CC2D2A: variants seen among roughly 807,000 people sequenced by gnomAD.
CC2D2A encodes the protein coiled-coil and C2 domain-containing protein 2A.
CC2D2A carries 155 observed loss-of-function variants against 212.9 expected under a neutral mutation model. That is an observed-to-expected ratio of 0.73 (90% CI 0.64 to 0.83). The LOEUF is 0.83. Ranked by LOEUF, CC2D2A falls within the 40% of genes least tolerant of loss-of-function variation. CC2D2A has a pLI of 0.00. For missense variants in CC2D2A, 1,856 were observed against 1,956.2 expected (o/e 0.95, Z 0.97); for synonymous variants, 667 against 686.5 (o/e 0.97, Z 0.44).
chr4:15,548,687 C>G (rs1350522385), intron 17 of CC2D2A, among the ~76,000 whole-genome samples: 1 of 152,076 alleles, frequency 6.6e-6, no homozygotes, highest in Admixed American at 6.5e-5. Context: ...AAACCAAGGT[C>G]TCCAGTGCAA....
chr4:15,540,731 A>G, intron 16 of CC2D2A, 106 bp from the exon 17 acceptor site: 1 of 987,314 alleles, frequency 1.0e-6, no homozygotes, highest in Non-Finnish European at 1.5e-6. Flanking sequence ...TGATTGGGAG[A>G]GTTGCCTGCA....
At chr4:15,588,764 A>C (rs1720963432) in intron 32 of CC2D2A, among the ~76,000 whole-genome samples, 1 of 152,164 alleles carries the variant, frequency 6.6e-6, no homozygotes, top group Admixed American at 6.6e-5. Flanking sequence ...GCTGTGTGAC[A>C]CTAAGTAGGT....
intron 3 of CC2D2A, chr4:15,479,147 TG>T: frequency 9.8e-7 from 1 of 1,025,038 alleles, no homozygotes; most frequent in South Asian, 1.4e-5. Context: ...GGGCAGTAGA[TG>T]GCAGTACACG....
At position 15,538,677 on chromosome 4, in the gene CC2D2A, T is replaced by C. The variant is rs192778822; in HGVS notation, c.2003+540T>C. Reference sequence around the variant, plus strand: ...ACCCTCCAGATATGATAAAAATACATGTCTAGTCATTCTCACTTGATGCCT... The same window carrying C: ...ACCCTCCAGATATGATAAAAATACACGTCTAGTCATTCTCACTTGATGCCT... On this transcript the variant is annotated intron_variant, in intron 16 of 36. Transcript: ENST00000424120. Among the ~76,000 whole-genome samples, 456 of 152,350 alleles carry C rather than the reference T, an allele frequency of 3.0e-3. 1 individual carries two copies. Among genetic ancestry groups the C allele is most frequent in the Admixed American group, 4.9e-3 (75 of 15,308 alleles).
chr4:15,566,917 G>C (rs1719906328), intron 24 of CC2D2A, among the ~76,000 whole-genome samples: 1 of 152,112 alleles, frequency 6.6e-6, no homozygotes, highest in Non-Finnish European at 1.5e-5. Context: ...TGAGGCTGGA[G>C]TGAGCCATAA....
chr4:15,502,810 T>A lies in CC2D2A; in HGVS notation c.337-12T>A, dbSNP rs1467565504. 1 of 1,601,262 alleles carries A rather than the reference T, an allele frequency of 6.2e-7. No homozygotes were observed. The highest frequency in any genetic ancestry group is 2.2e-5 in the East Asian group (1 of 44,564). On this transcript the variant is annotated splice_polypyrimidine_tract_variant and intron_variant, in intron 5 of 36. Transcript: ENST00000424120. ...ACATCATGTAGCAGTAAATTTCTGTTTGACTTTTTAGTCCAAAGCAGAAAG... is the reference window on the plus strand; with the variant it reads ...ACATCATGTAGCAGTAAATTTCTGTATGACTTTTTAGTCCAAAGCAGAAAG...
chr4:15,596,039 T>G (rs145358550), intron 33 of CC2D2A, 46 bp from the exon 34 acceptor site: 1 of 1,443,450 alleles, frequency 6.9e-7, no homozygotes, highest in Admixed American at 2.2e-5. Flanking sequence ...TACATGTGCA[T>G]GTATACATGC....
intron 29 of CC2D2A, 90 bp downstream of exon 29, chr4:15,574,416 A>C: frequency 1.0e-6 from 1 of 965,874 alleles, no homozygotes; most frequent in Non-Finnish European, 1.5e-6. Context: ...TTTTTCCTAC[A>C]CAAACAGAGC....
chr4:15,499,320 T>C (rs1389466390), intron 4 of CC2D2A, among the ~76,000 whole-genome samples: 1 of 152,084 alleles, frequency 6.6e-6, no homozygotes, highest in African/African-American at 2.4e-5. Flanking sequence ...GCCACTCTGG[T>C]GGTGGGTGCA....
chr4:15,580,173 T>G lies in CC2D2A; in HGVS notation c.3975+2T>G, dbSNP rs376561287. ...CCCAATAATCTACAGGCAACTGCAG[T>G]AAGTATTTCATAGTCAATAAGTGCT... On this transcript the variant is annotated splice_donor_variant, in intron 30 of 36. Transcript: ENST00000424120. LOFTEE classifies it high-confidence loss of function. The G allele has an allele frequency of 1.2e-6, 2 of 1,608,544 alleles. No homozygotes were observed. Among genetic ancestry groups the G allele is most frequent in the Non-Finnish European group, 1.7e-6 (2 of 1,175,444 alleles).
At chr4:15,546,325 A>T (rs990437486) in intron 17 of CC2D2A, among the ~76,000 whole-genome samples, 3 of 152,186 alleles carry the variant, frequency 2.0e-5, no homozygotes, top group African/African-American at 4.8e-5. Context: ...ACTTTATCCT[A>T]CATTCATCTT....
chr4:15,565,404 T>TG (rs1577380989), intron 24 of CC2D2A, among the ~76,000 whole-genome samples: 2 of 151,834 alleles, frequency 1.3e-5, no homozygotes, highest in African/African-American at 2.4e-5. Flanking sequence ...ATACGGTTTT[T>TG]TTTTTTTTTT....
At chr4:15,583,698 C>T (rs1020830866) in intron 30 of CC2D2A, among the ~76,000 whole-genome samples, 5 of 152,100 alleles carry the variant, frequency 3.3e-5, no homozygotes, top group Non-Finnish European at 5.9e-5. Flanking sequence ...GCCTGTAATC[C>T]CAGCACTTTG....
At chr4:15,579,520 T>A (rs929387816) in intron 29 of CC2D2A, among the ~76,000 whole-genome samples, 1 of 152,202 alleles carries the variant, frequency 6.6e-6, no homozygotes, top group African/African-American at 2.4e-5. Context: ...TATAGATCCA[T>A]AAATTTGCTG....
intron 11 of CC2D2A, among the ~76,000 whole-genome samples, chr4:15,517,631 A>C (rs1300412216): frequency 2.6e-5 from 4 of 152,190 alleles, no homozygotes; most frequent in Admixed American, 2.6e-4. Context: ...GGTAATCCAC[A>C]TAAGTGTCTA....
intron 10 of CC2D2A, 129 bp downstream of exon 10, chr4:15,516,133 ATTTT>A: frequency 2.7e-6 from 2 of 741,054 alleles, no homozygotes; most frequent in Non-Finnish European, 3.8e-6. Flanking sequence ...AAAGTGGTTC[ATTTT>A]TTTTTTTTTA....
At chr4:15,541,523 G>A (rs531946431) in intron 17 of CC2D2A, among the ~76,000 whole-genome samples, 27 of 152,158 alleles carry the variant, frequency 1.8e-4, no homozygotes, top group African/African-American at 6.0e-4. Flanking sequence ...GAAAATGCTG[G>A]CAGAATAACT....
At chr4:15,541,268 G>T (rs1718430269) in intron 17 of CC2D2A, among the ~76,000 whole-genome samples, 1 of 152,014 alleles carries the variant, frequency 6.6e-6, no homozygotes, top group Non-Finnish European at 1.5e-5. Flanking sequence ...GCATTGAGCT[G>T]AGATCATGCC....
At chr4:15,504,925 C>T (rs2109000764) in intron 6 of CC2D2A, among the ~76,000 whole-genome samples, 1 of 152,306 alleles carries the variant, frequency 6.6e-6, no homozygotes, top group African/African-American at 2.4e-5. Context: ...AGATGCTGAA[C>T]TTCAGCTGAC....
Sources: gnomAD v4.1 joint callset for allele counts (sites outside exome capture counted in the v4.1 genomes callset) on GRCh38, gnomAD v4.1.1 for gene constraint, MANE v1.5 for transcripts, NCBI Gene and HGNC (gene_info 2026-07-23, HGNC 2026-07-21) for gene names.